DHX34: variants seen among roughly 807,000 people sequenced by gnomAD.
DHX34 encodes probable ATP-dependent RNA helicase DHX34.
A neutral mutation model predicts 111.1 loss-of-function variants in DHX34; 96 were observed. The ratio of observed to expected loss-of-function variants is 0.86; its 90% CI spans 0.73 to 1.02. DHX34 has a LOEUF of 1.02. Among genes scored for constraint, DHX34 ranks in the 50% least tolerant of loss-of-function variants. The pLI is 0.00. For synonymous variants in DHX34, 688 were observed against 670.4 expected (o/e 1.03, Z -0.41); for missense variants, 1,560 against 1,579.9 (o/e 0.99, Z 0.21).
At chr19:47,361,959 A>G (rs1969644136) in intron 5 of DHX34, among the ~76,000 whole-genome samples, 1 of 152,080 alleles carries the variant, frequency 6.6e-6, no homozygotes, top group Non-Finnish European at 1.5e-5. Context: ...ACCTCTGAAG[A>G]AACAAAGACT....
At chr19:47,377,029 T>C in intron 12 of DHX34, 71 bp from the exon 13 acceptor site, 5 of 1,609,854 alleles carry the variant, frequency 3.1e-6, no homozygotes, top group Non-Finnish European at 4.2e-6. Context: ...TTTGACCGGG[T>C]GGGACAGGCG....
At chr19:47,373,058 G>C in intron 8 of DHX34, 135 bp downstream of exon 8, 2 of 1,186,670 alleles carry the variant, frequency 1.7e-6, no homozygotes, top group African/African-American at 1.6e-5. Context: ...GACTGGGCCT[G>C]CCTGGGGAGG....
intron 8 of DHX34, 43 bp downstream of exon 8, chr19:47,372,966 G>A: frequency 3.3e-6 from 5 of 1,535,064 alleles, no homozygotes; most frequent in Non-Finnish European, 4.4e-6. Flanking sequence ...ACCCTGCTCA[G>A]GGCCAAGGCC....
chr19:47,360,550 C>T (rs1034486536), intron 5 of DHX34, among the ~76,000 whole-genome samples: 1 of 152,150 alleles, frequency 6.6e-6, no homozygotes, highest in African/African-American at 2.4e-5. Flanking sequence ...GCCCTCACCT[C>T]ATTTCAGGGC....
At chr19:47,381,613 C>T in intron 16 of DHX34, 1 of 586,078 alleles carries the variant, frequency 1.7e-6, no homozygotes, top group Non-Finnish European at 2.9e-6. Context: ...TTATTTTTCT[C>T]TGTCCTGCAG....
intron 7 of DHX34, among the ~76,000 whole-genome samples, chr19:47,368,789 T>C (rs1221128626): frequency 4.0e-5 from 6 of 151,274 alleles, no homozygotes; most frequent in East Asian, 2.0e-4. Context: ...TCCCAGCTCA[T>C]TGGAACTTCT....
chr19:47,378,004 G>T (rs1970225150), intron 13 of DHX34, among the ~76,000 whole-genome samples: 1 of 152,082 alleles, frequency 6.6e-6, no homozygotes, highest in Non-Finnish European at 1.5e-5. Flanking sequence ...TTATAGAGGG[G>T]ACTGAAGCTC....
At position 47,355,042 on chromosome 19, in the gene DHX34, G is replaced by A. The variant is rs1238307482; in HGVS notation, c.709G>A (p.Gly237Ser). 7 of 1,613,218 alleles carry A rather than the reference G, an allele frequency of 4.3e-6. No homozygotes were observed. Among genetic ancestry groups the A allele is most frequent in the African/African-American group, 4.0e-5 (3 of 74,940 alleles). Residue 237 changes from glycine to serine, a missense_variant, in exon 3 of 17, where the codon GGC (glycine) becomes AGC (serine). Gly to Ser is a moderately conservative substitution (Grantham distance 56). Coordinates refer to ENST00000328771, the MANE Select transcript of DHX34 (RefSeq NM_014681.6). ...TCCTTTCTTTCTCCCACCCCAGGTC[G>A]GCTACCAGATCCGCTTTGAGAGCAC... ...ESLSQYGSQV[G>S]YQIRFESTRS...
At chr19:47,380,055 G>A (rs1012912421) in intron 14 of DHX34, 70 bp downstream of exon 14, 18 of 1,492,938 alleles carry the variant, frequency 1.2e-5, no homozygotes, top group African/African-American at 4.2e-5. Context: ...CTTGAGCCTC[G>A]GGAAGGCCTG....
Position 47,360,006 on chromosome 19 carries a change from C to T in DHX34, c.1311C>T (p.Ile437=). 3 of 1,614,094 alleles carry T rather than the reference C, an allele frequency of 1.9e-6. No individual in the cohort carries two copies. The highest frequency in any genetic ancestry group is 2.5e-6 in the Non-Finnish European group (3 of 1,179,996). The change falls in exon 5 of 17, where the codon ATC becomes ATT. Residue 437 remains isoleucine, a synonymous_variant. Coordinates refer to ENST00000328771, the MANE Select transcript of DHX34 (RefSeq NM_014681.6). ...CACCCCCTGGAGTCCGGAAATGCAT[C>T]CTCTCCACCAACATTGCTGAGACCT... is the stretch of plus-strand genomic sequence containing the variant. ...DVAPPGVRKC[I]LSTNIAETSV...
chr19:47,365,604 T>G (rs975113772), intron 6 of DHX34, among the ~76,000 whole-genome samples: 1 of 152,168 alleles, frequency 6.6e-6, no homozygotes, highest in African/African-American at 2.4e-5. Flanking sequence ...CATCAAGGCT[T>G]GGTCAGCAGG....
chr19:47,372,608 G>A (rs1389763884), intron 7 of DHX34, 122 bp from the exon 8 acceptor site: 6 of 1,430,812 alleles, frequency 4.2e-6, no homozygotes, highest in Non-Finnish European at 4.6e-6. Flanking sequence ...AAGACCCTTA[G>A]TGGGCAAGAT....
rs1310016955 is a variant in DHX34 at position 47,382,472 on chromosome 19, C to T, written c.*359C>T. 8.0e-6 allele frequency: 2 copies of T among 249,342 alleles called. No homozygotes were observed. The highest frequency in any genetic ancestry group is 5.0e-5 in the South Asian group (1 of 20,192). The allele number at this position is 249,342 out of a possible 1,614,324, so 15.4% of individuals were successfully genotyped here. A position where few individuals can be genotyped will look rare whatever the true frequency, so the allele number is the denominator to read the frequency against. ...CAGGTTCTTAGCACCTCCGCAGCCGCTCTCTCTTGAGTCCATCCTCAGTCT... is the reference window on the plus strand; with the variant it reads ...CAGGTTCTTAGCACCTCCGCAGCCGTTCTCTCTTGAGTCCATCCTCAGTCT... On this transcript the variant is annotated 3_prime_UTR_variant, in exon 17 of 17. Transcript: ENST00000328771.
At chr19:47,371,646 C>A (rs1262547808) in intron 7 of DHX34, among the ~76,000 whole-genome samples, 1 of 152,178 alleles carries the variant, frequency 6.6e-6, no homozygotes, top group Admixed American at 6.5e-5. Flanking sequence ...TTCACTCAGG[C>A]TAGAGTGTAA....
chr19:47,361,456 TAAA>T (rs538415702), intron 5 of DHX34, among the ~76,000 whole-genome samples: 1 of 143,592 alleles, frequency 7.0e-6, no homozygotes, highest in Non-Finnish European at 1.5e-5. Context: ...AGACCCTGTT[TAAA>T]AAAAAAAGAG....
rs759609842 is a variant in DHX34 at position 47,372,959 on chromosome 19, C to T, written c.1962+36C>T. The T allele has an allele frequency of 2.7e-6, 4 of 1,500,032 alleles. No individual in the cohort carries two copies. The South Asian group carries it at 4.9e-5, about 18-fold the overall frequency. 92.9% of individuals were successfully genotyped at this position (1,500,032 alleles called of 1,614,324 possible). A position where few individuals can be genotyped will look rare whatever the true frequency, so the allele number is the denominator to read the frequency against. On this transcript the variant is annotated intron_variant, in intron 8 of 16. Transcript: ENST00000328771. ...TGGTGGGGGCCCTCTGTCTGTCACCCTGCTCAGGGCCAAGGCCTTCTGTGG... is the reference window on the plus strand; with the variant it reads ...TGGTGGGGGCCCTCTGTCTGTCACCTTGCTCAGGGCCAAGGCCTTCTGTGG...
At chr19:47,374,081 C>G (rs1486860682) in intron 9 of DHX34, among the ~76,000 whole-genome samples, 1 of 152,128 alleles carries the variant, frequency 6.6e-6, no homozygotes, top group Admixed American at 6.6e-5. Flanking sequence ...GACAGCGTGG[C>G]CCCGGGTGTG....
chr19:47,353,839 G>A lies in DHX34; in HGVS notation c.705+104G>A. ...AATAAAAATGAAGCACTTACCCTTGGACCCAGCGATGATTCTTCTAGAACT... is the reference window on the plus strand; with the variant it reads ...AATAAAAATGAAGCACTTACCCTTGAACCCAGCGATGATTCTTCTAGAACT... On this transcript the variant is annotated intron_variant, in intron 2 of 16. Transcript: ENST00000328771. This position sits in a 1 kb window ranked among gnomAD's most constrained non-coding sequence, Gnocchi z 4.6. The A allele has an allele frequency of 1.8e-6, 2 of 1,118,010 alleles. No homozygotes were observed. Among genetic ancestry groups the A allele is most frequent in the Non-Finnish European group, 2.5e-6 (2 of 811,622 alleles). 69.3% of individuals were successfully genotyped at this position (1,118,010 alleles called of 1,614,324 possible).
intron 7 of DHX34, among the ~76,000 whole-genome samples, chr19:47,368,671 C>CAT (rs1003967226): frequency 1.3e-5 from 2 of 149,684 alleles, no homozygotes; most frequent in East Asian, 3.9e-4. Context: ...CATACACACA[C>CAT]ATATATATAC....
Sources: allele counts gnomAD v4.1 joint callset (sites outside exome capture counted in the v4.1 genomes callset), GRCh38; gene constraint gnomAD v4.1.1; non-coding constraint Gnocchi (gnomAD v3.1); transcripts MANE v1.5; gene names NCBI Gene and HGNC (gene_info 2026-07-23, HGNC 2026-07-21).